The following CADPS2 variants were observed in gnomAD, a reference collection of about 807,000 sequenced individuals.
CADPS2 encodes calcium-dependent secretion activator 2.
A neutral mutation model predicts 172.5 loss-of-function variants in CADPS2; 93 were observed. The ratio of observed to expected loss-of-function variants is 0.54; its 90% confidence interval spans 0.46 to 0.64. The LOEUF is 0.64. Ranked by LOEUF, CADPS2 falls within the 30% of genes least tolerant of loss-of-function variation. The probability of loss-of-function intolerance (pLI) is 0.00; values close to 1 mark genes in which losing one functional copy is unlikely to be tolerated. For missense variants in CADPS2, 1,420 were observed against 1,565.9 expected, an observed-to-expected ratio of 0.91 and a Z score of 1.57; for synonymous variants, 546 against 555.2, an observed-to-expected ratio of 0.98 and a Z score of 0.23.
chr7:122,704,966 G>C, intron 2 of CADPS2, among the ~76,000 whole-genome samples: 1 of 151,946 alleles, frequency 6.6e-6, no homozygotes, highest in Non-Finnish European at 1.5e-5. Context: ...CAATAGTAAG[G>C]TTAAGAAACC....
intron 2 of CADPS2, among the ~76,000 whole-genome samples, chr7:122,683,531 A>G (rs1199982223): frequency 6.6e-6 from 1 of 152,148 alleles, no homozygotes; most frequent in East Asian, 1.9e-4. Flanking sequence ...ATTATGGGGT[A>G]CAACGTGATG....
At chr7:122,771,043 A>G (rs952673391) in intron 1 of CADPS2, among the ~76,000 whole-genome samples, 3 of 152,182 alleles carry the variant, frequency 2.0e-5, no homozygotes, top group Non-Finnish European at 4.4e-5. Context: ...AGTTAGAATC[A>G]TGGGCTTTTT....
At chr7:122,692,691 G>A (rs1407960830) in intron 2 of CADPS2, among the ~76,000 whole-genome samples, 3 of 152,206 alleles carry the variant, frequency 2.0e-5, no homozygotes, top group South Asian at 2.1e-4. Context: ...TACACCAAAC[G>A]TCATGCCCAG....
At chr7:122,819,051 C>T (rs1013011087) in intron 1 of CADPS2, among the ~76,000 whole-genome samples, 3 of 152,100 alleles carry the variant, frequency 2.0e-5, no homozygotes, top group Non-Finnish European at 4.4e-5. Context: ...TCAAGGTGAA[C>T]AATAATAGAA....
intron 7 of CADPS2, among the ~76,000 whole-genome samples, chr7:122,561,480 G>A (rs2065772626): frequency 6.6e-6 from 1 of 152,142 alleles, no homozygotes; most frequent in East Asian, 1.9e-4. Context: ...CATGATGGGA[G>A]GATTAAGGAT....
intron 1 of CADPS2, among the ~76,000 whole-genome samples, chr7:122,783,380 C>T (rs1793256980): frequency 1.3e-5 from 2 of 151,880 alleles, no homozygotes; most frequent in African/African-American, 2.4e-5. Flanking sequence ...GTTTCTTGTT[C>T]CTTTTCCTTA....
chr7:122,454,102 C>G (rs2053465381), intron 14 of CADPS2, among the ~76,000 whole-genome samples: 1 of 152,152 alleles, frequency 6.6e-6, no homozygotes, highest in Non-Finnish European at 1.5e-5. Flanking sequence ...CTAAAGGCAA[C>G]AGTTCCTCCT....
chr7:122,858,805 A>G (rs1024815217), intron 1 of CADPS2, among the ~76,000 whole-genome samples: 6 of 152,230 alleles, frequency 3.9e-5, no homozygotes, highest in African/African-American at 1.4e-4. Flanking sequence ...TTGGGGGCAT[A>G]GTGAGGTCCC....
At chr7:122,452,440 G>A (rs2053244444) in intron 14 of CADPS2, among the ~76,000 whole-genome samples, 11 of 152,174 alleles carry the variant, frequency 7.2e-5, no homozygotes, top group Admixed American at 7.2e-4. Flanking sequence ...TTGTTGCCCA[G>A]GCTGCAGTGC....
chr7:122,746,603 G>A (rs148493488), intron 1 of CADPS2, among the ~76,000 whole-genome samples: 14 of 149,156 alleles, frequency 9.4e-5, no homozygotes, highest in African/African-American at 3.5e-4. Context: ...TAACACTAAC[G>A]ACAGCTGATG....
At chr7:122,420,387 C>T (rs1210376755) in intron 17 of CADPS2, among the ~76,000 whole-genome samples, 1 of 152,108 alleles carries the variant, frequency 6.6e-6, no homozygotes, top group Non-Finnish European at 1.5e-5. Context: ...TTTATTCTTT[C>T]TAGATTAAAT....
At chr7:122,658,840 A>G in intron 3 of CADPS2, among the ~76,000 whole-genome samples, 1 of 152,190 alleles carries the variant, frequency 6.6e-6, no homozygotes, top group East Asian at 1.9e-4. Flanking sequence ...ATATGTAACT[A>G]ACCTGCACGT....
At chr7:122,413,905 AT>A (rs2047595863) in intron 19 of CADPS2, among the ~76,000 whole-genome samples, 162 bp downstream of exon 19, 1 of 152,228 alleles carries the variant, frequency 6.6e-6, no homozygotes, top group African/African-American at 2.4e-5. Context: ...ACACAAAACA[AT>A]ATAACAAAAA....
chr7:122,874,763 C>T (rs1046208797), intron 1 of CADPS2, among the ~76,000 whole-genome samples: 1 of 152,034 alleles, frequency 6.6e-6, no homozygotes, highest in African/African-American at 2.4e-5. Flanking sequence ...ACAAACCTGA[C>T]AAAAACAAGC....
At chr7:122,398,030 T>C (rs1408070220) in intron 20 of CADPS2, among the ~76,000 whole-genome samples, 2 of 152,168 alleles carry the variant, frequency 1.3e-5, no homozygotes, top group Non-Finnish European at 2.9e-5. Flanking sequence ...TCGAGCCCTA[T>C]GGTACAATTA....
Position 122,810,062 on chromosome 7 carries a change from G to C in CADPS2, c.340-72994C>G, listed in dbSNP as rs189417169. 4.5e-3 allele frequency among the ~76,000 whole-genome samples: 684 copies of C among 152,124 alleles called. 1 individual carries two copies. The highest frequency in any genetic ancestry group is 8.3e-3 in the Non-Finnish European group (566 of 68,006). ...ATCTCAGCTATACCTTGCAGTAGAG[G>C]ACCTGATTAAATTTGTTTACTCTAG... On this transcript the variant is annotated intron_variant, in intron 1 of 29. Coordinates refer to ENST00000449022, the MANE Select transcript of CADPS2 (RefSeq NM_017954.11).
intron 27 of CADPS2, among the ~76,000 whole-genome samples, chr7:122,357,670 C>T (rs965620301): frequency 2.0e-5 from 3 of 152,136 alleles, no homozygotes; most frequent in African/African-American, 7.2e-5. Flanking sequence ...ATGGCAACCA[C>T]TAATCTGTTT....
chr7:122,697,338 AAT>A (rs1211297852), intron 2 of CADPS2, among the ~76,000 whole-genome samples: 2 of 152,162 alleles, frequency 1.3e-5, no homozygotes, highest in Non-Finnish European at 2.9e-5. Flanking sequence ...ACATACTATA[AAT>A]ATGTTATCAA....
intron 25 of CADPS2, among the ~76,000 whole-genome samples, chr7:122,371,831 A>G (rs944778211): frequency 2.0e-5 from 3 of 152,108 alleles, no homozygotes; most frequent in African/African-American, 7.2e-5. Flanking sequence ...AGATTTTACA[A>G]TGGGGTGATC....
Sources: allele counts gnomAD v4.1 joint callset (sites outside exome capture counted in the v4.1 genomes callset), GRCh38; gene constraint gnomAD v4.1.1; transcripts MANE v1.5; gene names NCBI Gene and HGNC (gene_info 2026-07-23, HGNC 2026-07-21).